ATP10B: variants seen among roughly 807,000 people sequenced by gnomAD.
ATP10B encodes phospholipid-transporting ATPase VB.
In ATP10B, 122 loss-of-function variants were observed where a neutral mutation model predicts 141.2. That is an observed-to-expected ratio of 0.86 (90% CI 0.75 to 1.00). The LOEUF is 1.00. Ranked by LOEUF, ATP10B falls within the 50% of genes least tolerant of loss-of-function variation. The probability of loss-of-function intolerance (pLI) is 0.00; values close to 1 mark genes in which losing one functional copy is unlikely to be tolerated. For synonymous variants in ATP10B, 685 were observed against 692.0 expected (o/e 0.99, Z 0.16); for missense variants, 1,876 against 1,825.3 (o/e 1.03, Z -0.51).
chr5:160,772,407 T>C (rs1328593311), intron 2 of ATP10B, among the ~76,000 whole-genome samples: 2 of 151,884 alleles, frequency 1.3e-5, no homozygotes, highest in Non-Finnish European at 2.9e-5. Context: ...CAACGGGAGG[T>C]GGTGTCTGTG....
At chr5:160,615,501 C>G (rs1034626116) in intron 17 of ATP10B, among the ~76,000 whole-genome samples, 4 of 151,720 alleles carry the variant, frequency 2.6e-5, no homozygotes, top group Admixed American at 1.3e-4. Flanking sequence ...GCTCCTGTCC[C>G]TTGTTGCAGC....
intron 2 of ATP10B, among the ~76,000 whole-genome samples, chr5:160,737,480 T>C (rs188487206): frequency 6.6e-6 from 1 of 152,188 alleles, no homozygotes; most frequent in Non-Finnish European, 1.5e-5. Flanking sequence ...TTTGAAGATA[T>C]GATCTTATAT....
chr5:160,647,113 C>T (rs1760340648), intron 8 of ATP10B, among the ~76,000 whole-genome samples: 1 of 152,156 alleles, frequency 6.6e-6, no homozygotes, highest in Non-Finnish European at 1.5e-5. Context: ...TTCTTTCATT[C>T]AAAAGTCGCA....
rs1754443577 is a variant in ATP10B at position 160,564,949 on chromosome 5, A to T, written c.*504T>A. The T allele has an allele frequency of 6.5e-6, 1 of 153,496 alleles. No homozygotes were observed. Among genetic ancestry groups the T allele is most frequent in the African/African-American group, 2.4e-5 (1 of 41,442 alleles). The allele number at this position is 153,496 out of a possible 1,614,324, so 9.5% of individuals were successfully genotyped here. ...AACCAACTCGCTGTGCCTGGAAGGG[A>T]TGTTAACCCCGATTCAGCCATTACT... On this transcript the variant is annotated 3_prime_UTR_variant, in exon 26 of 26. Coordinates refer to ENST00000327245, the MANE Select transcript of ATP10B (RefSeq NM_025153.3).
intron 1 of ATP10B, among the ~76,000 whole-genome samples, chr5:160,821,419 T>G (rs1454874642): frequency 5.9e-5 from 9 of 152,012 alleles, no homozygotes; most frequent in Non-Finnish European, 1.3e-4. Flanking sequence ...GAATCAATAC[T>G]GTTAAAATGC....
the ATP10B span, among the ~76,000 whole-genome samples, chr5:160,869,657 A>G: frequency 3.3e-5 from 5 of 152,180 alleles, no homozygotes; most frequent in African/African-American, 1.2e-4. Context: ...TGAGGACACA[A>G]GGCAAACCAT....
chr5:160,827,940 T>C (rs1197765432), intron 1 of ATP10B, among the ~76,000 whole-genome samples: 1 of 152,202 alleles, frequency 6.6e-6, no homozygotes, highest in Non-Finnish European at 1.5e-5. Context: ...TTCTGTTCCA[T>C]TGATCTATAT....
chr5:160,695,388 G>T (rs1322231717), intron 3 of ATP10B, among the ~76,000 whole-genome samples: 2 of 152,196 alleles, frequency 1.3e-5, no homozygotes, highest in Non-Finnish European at 2.9e-5. Context: ...ATTACAGAGG[G>T]ATGGGACCTT....
intron 6 of ATP10B, among the ~76,000 whole-genome samples, chr5:160,679,982 T>C (rs961598198): frequency 6.6e-6 from 1 of 152,204 alleles, no homozygotes; most frequent in African/African-American, 2.4e-5. Context: ...TCGAAGTCAT[T>C]CCATAAATCT....
chr5:160,892,316 G>A, the ATP10B span, among the ~76,000 whole-genome samples: 4 of 152,294 alleles, frequency 2.6e-5, no homozygotes, highest in East Asian at 1.9e-4. Context: ...CTGTTCTGGT[G>A]ACCTCAATTT....
At chr5:160,577,795 T>G (rs906671384) in intron 24 of ATP10B, among the ~76,000 whole-genome samples, 2 of 152,108 alleles carry the variant, frequency 1.3e-5, no homozygotes, top group African/African-American at 4.8e-5. Flanking sequence ...AACATAAACT[T>G]TATGATTTTT....
chr5:160,656,640 T>C (rs1761517197), intron 7 of ATP10B, among the ~76,000 whole-genome samples: 1 of 152,198 alleles, frequency 6.6e-6, no homozygotes, highest in South Asian at 2.1e-4. Flanking sequence ...TTGGTTTTAA[T>C]ATATATTCTT....
At chr5:160,735,219 T>A (rs1298976488) in intron 2 of ATP10B, among the ~76,000 whole-genome samples, 1 of 150,716 alleles carries the variant, frequency 6.6e-6, no homozygotes, top group African/African-American at 2.4e-5. Context: ...AGGGCCTGAA[T>A]GGACTAAAAA....
At chr5:160,901,009 C>T in the ATP10B span, among the ~76,000 whole-genome samples, 7 of 137,978 alleles carry the variant, frequency 5.1e-5, no homozygotes, top group African/African-American at 1.8e-4. Context: ...AATGTGATTG[C>T]TCTGAAGTTG....
chr5:160,610,377 A>C (rs1178247514), intron 18 of ATP10B, among the ~76,000 whole-genome samples: 1 of 152,124 alleles, frequency 6.6e-6, no homozygotes, highest in Non-Finnish European at 1.5e-5. Context: ...TCCCATGCCA[A>C]AACCACCCAC....
chr5:160,827,613 C>A (rs940419236), intron 1 of ATP10B, among the ~76,000 whole-genome samples: 1 of 151,984 alleles, frequency 6.6e-6, no homozygotes, highest in African/African-American at 2.4e-5. Context: ...TGGTTTGTTG[C>A]AATGGCTTTT....
Position 160,657,169 on chromosome 5 carries a change from G to GT in ATP10B, c.676-7914dup, listed in dbSNP as rs555601788. On this transcript the variant is annotated intron_variant, in intron 7 of 25. Coordinates refer to ENST00000327245, the MANE Select transcript of ATP10B (RefSeq NM_025153.3). ...GTTGCAACCTTGGAAGAACACTAAA[G>GT]TTTTTTTTTTCATTTTAAGTTATCA... Among the ~76,000 whole-genome samples, 553 of 149,818 alleles carry GT rather than the reference G, an allele frequency of 3.7e-3. 7 individuals carry two copies. Among genetic ancestry groups the GT allele is most frequent in the Non-Finnish European group, 4.4e-3 (296 of 67,152 alleles).
chr5:160,627,980 C>T (rs761332296), intron 13 of ATP10B, among the ~76,000 whole-genome samples: 2 of 152,154 alleles, frequency 1.3e-5, no homozygotes, highest in African/African-American at 4.8e-5. Context: ...ATTATGTAAC[C>T]CTGTGGGCTA....
At chr5:160,762,740 G>A (rs1769129657) in intron 2 of ATP10B, among the ~76,000 whole-genome samples, 1 of 151,998 alleles carries the variant, frequency 6.6e-6, no homozygotes, top group Non-Finnish European at 1.5e-5. Context: ...GAATGTAAAT[G>A]GCCTAAATGT....
Sources: gnomAD v4.1 joint callset for allele counts (sites outside exome capture counted in the v4.1 genomes callset) on GRCh38, gnomAD v4.1.1 for gene constraint, MANE v1.5 for transcripts, NCBI Gene and HGNC (gene_info 2026-07-23, HGNC 2026-07-21) for gene names.